CPAMD8: variants seen among roughly 807,000 people sequenced by gnomAD.
The protein encoded by CPAMD8 is C3 and PZP like alpha-2-macroglobulin domain containing 8.
CPAMD8 carries 146 observed loss-of-function variants against 224.7 expected under a neutral mutation model. The ratio of observed to expected loss-of-function variants is 0.65; its 90% CI spans 0.57 to 0.75. The LOEUF (loss-of-function observed/expected upper bound fraction) is 0.75, where lower values mean the gene tolerates loss of function less well. CPAMD8 is among the 30% of genes least tolerant of loss of function. The pLI, the probability that CPAMD8 is intolerant of heterozygous loss-of-function variation, is 0.00. For missense variants in CPAMD8, 2,301 were observed against 2,537.5 expected (o/e 0.91, Z 2.00); for synonymous variants, 966 against 1,044.6 (o/e 0.92, Z 1.45).
intron 29 of CPAMD8, among the ~76,000 whole-genome samples, chr19:16,913,327 T>C (rs558146768): frequency 7.9e-5 from 12 of 152,176 alleles, no homozygotes; most frequent in Middle Eastern, 3.4e-3. Context: ...TGGGGACCTT[T>C]GAGAGATAAT....
In CPAMD8 at chr19:16,896,098, GGGGGAGGTTGGTA is replaced by G. The variant is rs766054718; in HGVS notation, c.5426+65_5426+77del. On this transcript the variant is annotated intron_variant, in intron 41 of 41. Transcript: ENST00000443236. ...GGCGGAGGAGTCGGGGCAGGTCGTC[GGGGGAGGTTGGTA>G]GGGGAGGGAGGTGGGGAGATATTGA... The G allele has an allele frequency of 1.7e-4, 262 of 1,539,356 alleles. No individual in the cohort carries two copies. The East Asian group carries it at 5.1e-3, about 30-fold the overall frequency.
chr19:16,987,315 C>T, intron 13 of CPAMD8, among the ~76,000 whole-genome samples: 1 of 150,548 alleles, frequency 6.6e-6, no homozygotes, highest in Admixed American at 6.6e-5. Context: ...TTGAACTGCC[C>T]ACAACACTGA....
Position 16,980,546 on chromosome 19 carries a change from C to T in CPAMD8, c.1536G>A (p.Ala512=), listed in dbSNP as rs61741489. The T allele has an allele frequency of 5.1e-3, 8,177 of 1,613,856 alleles. 86 individuals are homozygous for T. Among genetic ancestry groups the T allele is most frequent in the African/African-American group, 0.028 (2,133 of 75,022 alleles). The change falls in exon 14 of 42, where the codon GCG becomes GCA. Residue 512 remains alanine, a synonymous_variant. Transcript: ENST00000443236. ...AHTTQQRSKR[A]APALEKPIRL... is the part of the protein sequence containing the mutation. The stretch of plus-strand genomic sequence containing the variant: ...GAATCGGTTTCTCCAGGGCAGGGGC[C>T]GCCCGCTTGCTTCGCTGCTGGGTGG...
At position 16,975,162 on chromosome 19, in the gene CPAMD8, G is replaced by A. The variant is rs778538042; in HGVS notation, c.2005C>T (p.Arg669Cys). The A allele has an allele frequency of 1.2e-5, 20 of 1,612,520 alleles. No individual in the cohort carries two copies. The highest frequency in any genetic ancestry group is 1.0e-4 in the Admixed American group (6 of 59,716). Residue 669 changes from arginine to cysteine, a missense_variant, in exon 17 of 42, where the codon CGC becomes TGC. Arg to Cys is a radical substitution (Grantham distance 180). Around this residue, in one of 4 missense-constraint regions of CPAMD8, gnomAD observed 1,709 missense variants for 1,753.2 expected, o/e 0.97. Coordinates refer to ENST00000443236, the MANE Select transcript of CPAMD8 (RefSeq NM_015692.5). ...CACGGGAAGACAGAGGAGCGCCGGC[G>A]TCGTTGTGCCGTCAGCCCAGCCCAC... The part of the protein sequence containing the change: ...FWWAGLTAQR[R>C]RRSSVFPWPW...
intron 19 of CPAMD8, among the ~76,000 whole-genome samples, chr19:16,955,187 T>C (rs2054429009): frequency 6.6e-6 from 1 of 150,950 alleles, no homozygotes; most frequent in African/African-American, 2.4e-5. Flanking sequence ...CCCAGCTATT[T>C]GGAAGGTTAA....
In CPAMD8 at chr19:16,928,060, C is replaced by A. The variant is rs1034898982; in HGVS notation, c.3319G>T (p.Val1107Phe). ...GACCCAGGGATGGCGCCGTGTGGGA[C>A]CCCCAGGGTGAAGGCCTCGCTGTAG... ...ESYSEAFTLG[V>F]PHGAIPGSER... Residue 1107 changes from valine (V) to phenylalanine (F), a missense_variant, in exon 25 of 42, where the codon GTC becomes TTC. Val to Phe is a conservative substitution (Grantham distance 50, BLOSUM62 -1). Around this residue, in one of 4 missense-constraint regions of CPAMD8, gnomAD observed 1,709 missense variants for 1,753.2 expected, o/e 0.97. Transcript: ENST00000443236. 3.1e-6 allele frequency: 5 copies of A among 1,613,514 alleles called. No individual in the cohort carries two copies. In the African/African-American group the frequency reaches 5.3e-5, roughly 17 times the overall value.
intron 20 of CPAMD8, among the ~76,000 whole-genome samples, chr19:16,951,333 T>C (rs1207665311): frequency 6.6e-6 from 1 of 152,078 alleles, no homozygotes; most frequent in Admixed American, 6.6e-5. Flanking sequence ...AAGCTAAAGA[T>C]GGTTTTCATC....
At position 16,906,407 on chromosome 19, in the gene CPAMD8, T is replaced by TTTCCTTCC. The variant is rs553500267; in HGVS notation, c.4027+537_4027+544dup. ...CTTTCTTTCTTTCTTTCTTTCTTTC[T>TTTCCTTCC]TTCCTTCCTTCCTTCCTTCCTTCCT... On this transcript the variant is annotated intron_variant, in intron 30 of 41. Coordinates refer to ENST00000443236, the MANE Select transcript of CPAMD8 (RefSeq NM_015692.5). 2.9e-3 allele frequency among the ~76,000 whole-genome samples: 202 copies of TTTCCTTCC among 69,872 alleles called. 9 individuals carry two copies. The highest frequency in any genetic ancestry group is 9.0e-3 in the African/African-American group (139 of 15,490). 45.8% of individuals were successfully genotyped at this position (69,872 alleles called of 152,430 possible). A position where few individuals can be genotyped will look rare whatever the true frequency, so the allele number is the denominator to read the frequency against.
rs1599688246 is a variant in CPAMD8, at chr19:16,914,676, A to G, written c.3767T>C (p.Val1256Ala). The change falls in exon 28 of 42, where the codon GTC becomes GCC. Residue 1256 changes from valine (V) to alanine (A), a missense_variant. Val to Ala is a moderately conservative substitution (Grantham distance 64). Coordinates refer to ENST00000443236, the MANE Select transcript of CPAMD8 (RefSeq NM_015692.5). The stretch of plus-strand genomic sequence containing the variant: ...ACTCACCTGGATGTCCTTGTTCAGG[A>G]CCCTGCCCACGGCCAGGAAGGAGCC... ...ADGSFLAVGR[V>A]LNKDIQGGIH... 1.2e-6 allele frequency: 2 copies of G among 1,613,776 alleles called. No homozygotes were observed. Among genetic ancestry groups the G allele is most frequent in the South Asian group, 2.2e-5 (2 of 91,088 alleles).
intron 7 of CPAMD8, among the ~76,000 whole-genome samples, chr19:17,006,711 G>A (rs2056502092): frequency 6.6e-6 from 1 of 151,876 alleles, no homozygotes; most frequent in South Asian, 2.1e-4. Flanking sequence ...ATGCTTCCTG[G>A]CCCCCTTGCT....
At chr19:16,945,973 TTG>T (rs201694004) in intron 21 of CPAMD8, among the ~76,000 whole-genome samples, 2,071 of 152,092 alleles carry the variant, frequency 0.014, 37 homozygotes, top group African/African-American at 0.047. Context: ...GTGTGTGCAT[TTG>T]TGTGTGTACA....
chr19:16,906,407 T>TTTCTTTCTCTCTTTCC lies in CPAMD8; in HGVS notation c.4027+544_4027+545insGGAAAGAGAGAAAGAA, dbSNP rs1196710399. Among the ~76,000 whole-genome samples the TTTCTTTCTCTCTTTCC allele has an allele frequency of 2.0e-3, 137 of 69,894 alleles. 4 individuals carry two copies. Among genetic ancestry groups the TTTCTTTCTCTCTTTCC allele is most frequent in the African/African-American group, 7.9e-3 (123 of 15,504 alleles). The allele number at this position is 69,894 out of a possible 152,430, so 45.9% of individuals were successfully genotyped here. On this transcript the variant is annotated intron_variant, in intron 30 of 41. Transcript: ENST00000443236. ...CTTTCTTTCTTTCTTTCTTTCTTTC[T>TTTCTTTCTCTCTTTCC]TTCCTTCCTTCCTTCCTTCCTTCCT...
intron 13 of CPAMD8, among the ~76,000 whole-genome samples, chr19:16,985,247 TAGAG>T (rs943217030): frequency 2.5e-4 from 37 of 146,288 alleles, no homozygotes; most frequent in African/African-American, 9.4e-4. Context: ...AAGGGAGGGA[TAGAG>T]GGAGAATGGA....
intron 5 of CPAMD8, 128 bp downstream of exon 5, chr19:17,011,336 T>C: frequency 6.3e-6 from 7 of 1,109,462 alleles, no homozygotes; most frequent in Non-Finnish European, 9.2e-6. Context: ...CCGGGGGACA[T>C]GAAACAACCA....
intron 23 of CPAMD8, among the ~76,000 whole-genome samples, chr19:16,931,818 A>G (rs770710758): frequency 9.2e-5 from 14 of 152,204 alleles, no homozygotes; most frequent in Non-Finnish European, 1.6e-4. Context: ...GAAATCACAG[A>G]CACCACTGAT....
intron 29 of CPAMD8, among the ~76,000 whole-genome samples, chr19:16,912,703 C>A (rs987359261): frequency 6.6e-6 from 1 of 151,976 alleles, no homozygotes; most frequent in Non-Finnish European, 1.5e-5. Flanking sequence ...GCCCTCACCC[C>A]AAGCCAAAGA....
At chr19:16,904,176 A>ACGCCCCCCCCC in intron 32 of CPAMD8, 50 bp downstream of exon 32, 8 of 937,338 alleles carry the variant, frequency 8.5e-6, no homozygotes, top group African/African-American at 1.6e-5. Flanking sequence ...GACTGCAGGG[A>ACGCCCCCCCCC]CCCCACCCAC....
chr19:16,921,645 C>A (rs1189478359), intron 27 of CPAMD8, among the ~76,000 whole-genome samples: 1 of 151,824 alleles, frequency 6.6e-6, no homozygotes, highest in Non-Finnish European at 1.5e-5. Flanking sequence ...TCCCAAGGGG[C>A]CAGAGAGCAG....
Position 17,022,152 on chromosome 19 carries a change from A to G in CPAMD8, c.122T>C (p.Phe41Ser), listed in dbSNP as rs779333228. 1.2e-6 allele frequency: 2 copies of G among 1,610,452 alleles called. No homozygotes were observed. The highest frequency in any genetic ancestry group is 2.2e-5 in the East Asian group (1 of 44,752). Residue 41 changes from phenylalanine (F) to serine (S), a missense_variant, in exon 2 of 42, where the codon TTT becomes TCT. Physicochemically the swap from Phe to Ser is radical, Grantham distance 155. Around this residue, in one of 4 missense-constraint regions of CPAMD8, gnomAD observed 283 missense variants for 340.6 expected, o/e 0.83. Transcript: ENST00000443236. ...PGYLIAAPSV[F>S]RAGVEEVISV... ...GATGACTTCCTCCACGCCCGCGCGA[A>G]AAACAGAGGGAGCTGCAATCAAGTA...
Sources: gnomAD v4.1 joint callset for allele counts (sites outside exome capture counted in the v4.1 genomes callset) on GRCh38, gnomAD v4.1.1 for gene constraint, gnomAD v4.1.1 regional missense constraint, MANE v1.5 for transcripts, NCBI Gene and HGNC (gene_info 2026-07-23, HGNC 2026-07-21) for gene names.